LIG3: variants seen among roughly 807,000 people sequenced by gnomAD.
The protein encoded by LIG3 is ligase II, DNA, ATP-dependent.
Under a neutral mutation model 110.9 loss-of-function variants are expected in LIG3, and 58 were observed. That is an observed-to-expected ratio of 0.52 (90% confidence interval 0.42 to 0.65). The LOEUF is 0.65. LIG3 is among the 30% of genes least tolerant of loss of function. The pLI, the probability that LIG3 is intolerant of heterozygous loss-of-function variation, is 0.00. For missense variants in LIG3, 1,094 were observed against 1,273.8 expected (o/e 0.86, Z 2.15); for synonymous variants, 422 against 472.8 (o/e 0.89, Z 1.39).
intron 3 of LIG3, among the ~76,000 whole-genome samples, chr17:34,989,260 ATTAT>A (rs1445868783): frequency 6.6e-6 from 1 of 152,112 alleles, no homozygotes; most frequent in Non-Finnish European, 1.5e-5. Context: ...TTCCTTTAAC[ATTAT>A]TTATTAGCTG....
At position 34,999,167 on chromosome 17, in the gene LIG3, CAGTT is replaced by C. The variant is rs922684750; in HGVS notation, c.2114-136_2114-133del. 6.8e-5 allele frequency: 63 copies of C among 923,946 alleles called. No individual in the cohort carries two copies. In the East Asian group the frequency reaches 1.4e-3, roughly 21 times the overall value. The allele number at this position is 923,946 out of a possible 1,614,324, so 57.2% of individuals were successfully genotyped here. The stretch of plus-strand genomic sequence containing the variant: ...GGGGCTTATAAAGGTTAAAATTACA[CAGTT>C]AGTAAGAGGTAGCTCCAAGAGGTAA... On this transcript the variant is annotated intron_variant, in intron 14 of 19. Transcript: ENST00000378526.
At chr17:35,010,059 G>C (rs923100236), downstream of LIG3, 7 of 152,480 alleles carry the variant, frequency 4.6e-5, no homozygotes, top group Admixed American at 4.6e-4. Flanking sequence ...ATTGAGGTAA[G>C]TGGCCCAGTG....
At chr17:34,999,948 G>A (rs537396636) in intron 16 of LIG3, 92 bp downstream of exon 16, 2 of 1,006,098 alleles carry the variant, frequency 2.0e-6, no homozygotes, top group Admixed American at 2.0e-5. Context: ...CTCGCTGAAA[G>A]TCCACCCAGG....
intron 7 of LIG3, among the ~76,000 whole-genome samples, chr17:34,992,238 C>T (rs2090729518): frequency 6.6e-6 from 1 of 152,230 alleles, no homozygotes; most frequent in Non-Finnish European, 1.5e-5. Flanking sequence ...ACCTTTCTCA[C>T]AGAGTTCTTA....
chr17:34,987,247 G>T (rs541639507), intron 3 of LIG3, among the ~76,000 whole-genome samples: 1 of 152,312 alleles, frequency 6.6e-6, no homozygotes, highest in African/African-American at 2.4e-5. Flanking sequence ...TCATTTATTG[G>T]CCTTACGTAA....
intron 3 of LIG3, 138 bp from the exon 4 acceptor site, chr17:34,989,328 A>G: frequency 1.4e-6 from 1 of 729,484 alleles, no homozygotes; most frequent in South Asian, 1.9e-5. Flanking sequence ...AGATGGATAT[A>G]ATGACATCTA....
chr17:34,989,687 G>A, intron 4 of LIG3, 24 bp downstream of exon 4: 2 of 1,611,592 alleles, frequency 1.2e-6, no homozygotes, highest in Non-Finnish European at 1.7e-6. Flanking sequence ...ATCCTGAATA[G>A]GCCTTTCCTC....
chr17:34,998,339 G>A (rs1404764417), intron 13 of LIG3, 43 bp downstream of exon 13: 1 of 1,547,322 alleles, frequency 6.5e-7, no homozygotes. Context: ...CTCACTCGCA[G>A]CCCTCTCCCC....
rs760720520 is a variant in LIG3, at chr17:34,983,369, G to C, written c.364G>C (p.Val122Leu). 4 of 1,614,244 alleles carry C rather than the reference G, an allele frequency of 2.5e-6. No individual in the cohort carries two copies. Among genetic ancestry groups the C allele is most frequent in the African/African-American group, 1.3e-5 (1 of 75,044 alleles). ...IVKGVCRIGK[V>L]VPNPFSESGG... ...GAAGGGCGTATGCCGAATTGGCAAA[G>C]TGGTGCCCAATCCCTTCTCAGAGTC... The change falls in exon 2 of 20, where the codon GTG (valine) becomes CTG (leucine). Residue 122 changes from valine (V) to leucine (L), a missense_variant. By Grantham distance (32) the Val-to-Leu change is conservative (BLOSUM62 1). Coordinates refer to ENST00000378526, the MANE Select transcript of LIG3 (RefSeq NM_013975.4).
Position 35,005,392 on chromosome 17 carries a change from G to A in LIG3, c.*886G>A, listed in dbSNP as rs1326176792. On this transcript the variant is annotated 3_prime_UTR_variant, in exon 20 of 20. Coordinates refer to ENST00000378526, the MANE Select transcript of LIG3 (RefSeq NM_013975.4). Reference sequence around the variant, plus strand: ...CCTGGCTGCACATGCCATCAGCCATGACTGTGTATGCTCTGGTGGTGGTGT... The same window carrying A: ...CCTGGCTGCACATGCCATCAGCCATAACTGTGTATGCTCTGGTGGTGGTGT... The A allele has an allele frequency of 1.8e-6, 1 of 559,248 alleles. No individual in the cohort carries two copies. The highest frequency in any genetic ancestry group is 4.8e-5 in the East Asian group (1 of 21,018). 34.6% of individuals were successfully genotyped at this position (559,248 alleles called of 1,614,324 possible).
chr17:35,002,069 C>A lies in LIG3; in HGVS notation c.2639C>A (p.Ala880Glu), dbSNP rs146982734. Residue 880 changes from alanine (A) to glutamate (E), a missense_variant, in exon 18 of 20, where the codon GCA (alanine) becomes GAA (glutamate). Coordinates refer to ENST00000378526, the MANE Select transcript of LIG3 (RefSeq NM_013975.4). ...AAGCCCTCAGCCAGTACCAAGAAAG[C>A]AGAAGGGAAGCTGAGTAACTCCAAC... is the stretch of plus-strand genomic sequence containing the variant. Reference protein sequence around the residue: ...PSKPSASTKKAEGKLSNSNSK... With the variant: ...PSKPSASTKKEEGKLSNSNSK... The A allele has an allele frequency of 2.6e-5, 42 of 1,594,460 alleles. No homozygotes were observed. The highest frequency in any genetic ancestry group is 3.2e-5 in the Non-Finnish European group (37 of 1,172,224).
In LIG3 at chr17:35,007,558, C is replaced by G. The variant is rs1292312250; in HGVS notation, c.*3052C>G. On this transcript the variant is annotated 3_prime_UTR_variant, in exon 20 of 20. Coordinates refer to ENST00000378526, the MANE Select transcript of LIG3 (RefSeq NM_013975.4). ...CAAAGTGTTGTGGCTCATCCTCGATCCTTTATGCCCTTTTGGCAAGATTCC... is the reference window on the plus strand; with the variant it reads ...CAAAGTGTTGTGGCTCATCCTCGATGCTTTATGCCCTTTTGGCAAGATTCC... 2 of 152,204 alleles carry G rather than the reference C, an allele frequency of 1.3e-5. No homozygotes were observed. The highest frequency in any genetic ancestry group is 4.8e-5 in the African/African-American group (2 of 41,428). 9.4% of individuals were successfully genotyped at this position (152,204 alleles called of 1,614,324 possible). A position where few individuals can be genotyped will look rare whatever the true frequency, so the allele number is the denominator to read the frequency against.
In LIG3 at chr17:35,001,926, C is replaced by T. The variant is rs4986976; in HGVS notation, c.2496C>T (p.Ser832=). 17 of 1,610,436 alleles carry T rather than the reference C, an allele frequency of 1.1e-5. No homozygotes were observed. In the African/African-American group the frequency reaches 2.1e-4, roughly 20 times the overall value. ...CGCCTCAGGAACTGTACCAGTTGTC[C>T]AAGGAGAAGGCAGACTTCACTGTAG... ...LPQLKELYQL[S]KEKADFTVVA... Residue 832 remains serine, a synonymous_variant, in exon 18 of 20, where the codon TCC becomes TCT. Coordinates refer to ENST00000378526, the MANE Select transcript of LIG3 (RefSeq NM_013975.4).
rs34477990 is a variant in LIG3 at position 35,005,943 on chromosome 17, A to AT, written c.*1448dup. On this transcript the variant is annotated 3_prime_UTR_variant, in exon 20 of 20. Transcript: ENST00000378526. The stretch of plus-strand genomic sequence containing the variant: ...ATCAGAGAGACAAGTTTATCACAGT[A>AT]TTTTTTTTTTTCCTGCTGACCTATT... The AT allele has an allele frequency of 0.015, 3,731 of 254,004 alleles. 5 individuals are homozygous for AT. Among genetic ancestry groups the AT allele is most frequent in the South Asian group, 0.022 (525 of 23,922 alleles). 15.7% of individuals were successfully genotyped at this position (254,004 alleles called of 1,614,324 possible). A position where few individuals can be genotyped will look rare whatever the true frequency, so the allele number is the denominator to read the frequency against.
At chr17:34,993,308 T>G (rs1459778381) in intron 8 of LIG3, among the ~76,000 whole-genome samples, 1 of 152,172 alleles carries the variant, frequency 6.6e-6, no homozygotes, top group African/African-American at 2.4e-5. Context: ...GATTTTTGAG[T>G]GATGTACAGT....
intron 3 of LIG3, among the ~76,000 whole-genome samples, chr17:34,988,680 C>G (rs1216593765): frequency 2.0e-5 from 3 of 151,952 alleles, no homozygotes; most frequent in Non-Finnish European, 4.4e-5. Flanking sequence ...CCTTGGGGAG[C>G]AGGGTTTTAT....
intron 7 of LIG3, 39 bp downstream of exon 7, chr17:34,992,074 G>A (rs768020506): frequency 1.9e-6 from 3 of 1,577,020 alleles, no homozygotes; most frequent in Non-Finnish European, 2.6e-6. Flanking sequence ...GCTGTCATTT[G>A]TTAGCTTTGT....
intron 15 of LIG3, 39 bp downstream of exon 15, chr17:34,999,488 G>T (rs1320850319): frequency 6.3e-7 from 1 of 1,598,642 alleles, no homozygotes; most frequent in South Asian, 1.1e-5. Context: ...CTCTGGACTG[G>T]CCGCCATCAC....
In LIG3 at chr17:34,992,060, C is replaced by G. The variant is rs200153082; in HGVS notation, c.1286+25C>G. The G allele has an allele frequency of 1.0e-5, 16 of 1,593,276 alleles. No homozygotes were observed. In the Admixed American group the frequency reaches 2.2e-4, roughly 22 times the overall value. On this transcript the variant is annotated intron_variant, in intron 7 of 19. Coordinates refer to ENST00000378526, the MANE Select transcript of LIG3 (RefSeq NM_013975.4). ...TGTAAGTAGCAGCTCCGCTGACAGC[C>G]TGAGCTGTCATTTGTTAGCTTTGTT...
Sources: allele counts gnomAD v4.1 joint callset (sites outside exome capture counted in the v4.1 genomes callset), GRCh38; gene constraint gnomAD v4.1.1; transcripts MANE v1.5; gene names NCBI Gene and HGNC (gene_info 2026-07-23, HGNC 2026-07-21).